The following CNTNAP2 variants were observed in gnomAD, a reference collection of about 807,000 sequenced individuals.
The protein encoded by CNTNAP2 is contactin-associated protein-like 2.
In CNTNAP2, 98 loss-of-function variants were observed where a neutral mutation model predicts 155.2. That is an observed-to-expected ratio of 0.63 (90% CI 0.54 to 0.75). The LOEUF is 0.75. CNTNAP2 is among the 30% of genes least tolerant of loss of function. The probability of loss-of-function intolerance (pLI) is 0.00; values close to 1 mark genes in which losing one functional copy is unlikely to be tolerated. For missense variants in CNTNAP2, 1,727 were observed against 1,688.1 expected (o/e 1.02, Z -0.40); for synonymous variants, 651 against 631.2 (o/e 1.03, Z -0.47).
chr7:147,148,604 G>A (rs895465344), intron 8 of CNTNAP2, among the ~76,000 whole-genome samples: 2 of 152,134 alleles, frequency 1.3e-5, no homozygotes, highest in African/African-American at 4.8e-5. Context: ...TCTTAAAGAT[G>A]GCGTGTCCAG....
In CNTNAP2 at chr7:148,113,284, A is replaced by G. The variant is rs147383341; in HGVS notation, c.2384-4834A>G. 7.8e-3 allele frequency among the ~76,000 whole-genome samples: 1,182 copies of G among 152,308 alleles called. 6 individuals carry two copies. Among genetic ancestry groups the G allele is most frequent in the Non-Finnish European group, 0.013 (918 of 68,024 alleles). On this transcript the variant is annotated intron_variant, in intron 15 of 23. Transcript: ENST00000361727. ...GGCAGAAGGCAAAGGGGATGTACACATACCCCGTGGATGGAGCAGGAGCAA... is the reference window on the plus strand; with the variant it reads ...GGCAGAAGGCAAAGGGGATGTACACGTACCCCGTGGATGGAGCAGGAGCAA...
At chr7:147,355,049 G>A (rs1796039367) in intron 9 of CNTNAP2, among the ~76,000 whole-genome samples, 1 of 151,986 alleles carries the variant, frequency 6.6e-6, no homozygotes, top group African/African-American at 2.4e-5. Context: ...AGACGATGGG[G>A]TTTTCTAATA....
chr7:147,511,356 T>C (rs1799017271), intron 11 of CNTNAP2, among the ~76,000 whole-genome samples: 2 of 152,220 alleles, frequency 1.3e-5, no homozygotes, highest in South Asian at 4.1e-4. Flanking sequence ...ATTCATAGAG[T>C]AATGATTCCA....
intron 3 of CNTNAP2, among the ~76,000 whole-genome samples, chr7:146,983,085 G>A (rs1421886235): frequency 6.6e-6 from 1 of 152,174 alleles, no homozygotes; most frequent in African/African-American, 2.4e-5. Flanking sequence ...ACTTGAAATA[G>A]TAGACTGATA....
chr7:146,301,676 AT>A (rs1341157260), intron 1 of CNTNAP2, among the ~76,000 whole-genome samples: 1 of 152,122 alleles, frequency 6.6e-6, no homozygotes, highest in African/African-American at 2.4e-5. Flanking sequence ...ACATGGTATC[AT>A]TTCAAGACCA....
At chr7:146,149,721 C>G (rs573793749) in intron 1 of CNTNAP2, among the ~76,000 whole-genome samples, 7 of 151,962 alleles carry the variant, frequency 4.6e-5, no homozygotes, top group Admixed American at 2.0e-4. Flanking sequence ...AATCTTGATA[C>G]TTCATACCAT....
At chr7:146,544,540 T>G (rs970086600) in intron 1 of CNTNAP2, among the ~76,000 whole-genome samples, 2 of 151,912 alleles carry the variant, frequency 1.3e-5, no homozygotes, top group African/African-American at 4.8e-5. Flanking sequence ...TTTTCCCCCA[T>G]AGAAATAAGG....
At chr7:146,923,454 C>T (rs1407394291) in intron 3 of CNTNAP2, among the ~76,000 whole-genome samples, 2 of 152,102 alleles carry the variant, frequency 1.3e-5, no homozygotes, top group Non-Finnish European at 2.9e-5. Flanking sequence ...TCTGTATTCT[C>T]ATTGCTTGGC....
chr7:147,486,184 T>C, intron 11 of CNTNAP2, 143 bp downstream of exon 11: 1 of 543,022 alleles, frequency 1.8e-6, no homozygotes, highest in Non-Finnish European at 3.0e-6. Context: ...TTGTCATTTC[T>C]CCAAAAAAAA....
At chr7:147,725,452 G>C (rs1196310248) in intron 13 of CNTNAP2, among the ~76,000 whole-genome samples, 8 of 152,040 alleles carry the variant, frequency 5.3e-5, no homozygotes, top group Non-Finnish European at 1.5e-5. Flanking sequence ...ATCAAAAGAT[G>C]CTTCTGCGTT....
chr7:147,500,428 T>C (rs571050874), intron 11 of CNTNAP2, among the ~76,000 whole-genome samples: 2 of 152,236 alleles, frequency 1.3e-5, no homozygotes, highest in African/African-American at 2.4e-5. Context: ...CCTGGAGGTA[T>C]ACCTCATATA....
At chr7:147,103,388 A>G (rs1489621091) in intron 4 of CNTNAP2, among the ~76,000 whole-genome samples, 1 of 152,152 alleles carries the variant, frequency 6.6e-6, no homozygotes, top group Non-Finnish European at 1.5e-5. Flanking sequence ...TGAAAATAAT[A>G]CACAGATTTG....
intron 1 of CNTNAP2, among the ~76,000 whole-genome samples, chr7:146,704,085 C>G (rs1305295584): frequency 4.6e-5 from 7 of 151,996 alleles, no homozygotes; most frequent in Admixed American, 3.3e-4. Flanking sequence ...AAATGCAGCT[C>G]TAAGAGAAAA....
intron 9 of CNTNAP2, among the ~76,000 whole-genome samples, chr7:147,301,055 A>G (rs552399195): frequency 1.3e-5 from 2 of 152,260 alleles, no homozygotes; most frequent in South Asian, 4.1e-4. Context: ...GAGTCACTAA[A>G]TCCCGTCCAC....
intron 1 of CNTNAP2, among the ~76,000 whole-genome samples, chr7:146,613,979 G>T (rs1457233941): frequency 6.6e-6 from 1 of 152,148 alleles, no homozygotes. Flanking sequence ...TGACTGTTTT[G>T]GGAAGGAATT....
intron 1 of CNTNAP2, among the ~76,000 whole-genome samples, chr7:146,508,027 T>C (rs1288755797): frequency 1.3e-5 from 2 of 152,176 alleles, no homozygotes; most frequent in East Asian, 3.9e-4. Flanking sequence ...CACAGCTGCA[T>C]GTGAAGGGGG....
chr7:147,801,489 T>A (rs1028293802), intron 13 of CNTNAP2, among the ~76,000 whole-genome samples: 1 of 151,916 alleles, frequency 6.6e-6, no homozygotes, highest in Non-Finnish European at 1.5e-5. Context: ...AGTGTTTGTG[T>A]CCCTGGGTAC....
At position 147,401,411 on chromosome 7, in the gene CNTNAP2, T is replaced by G. The variant is rs1184803049; in HGVS notation, c.1670+5631T>G. ...ATCACAGACCCAGTTTTTTTTTAAT[T>G]CAATGCTTTATTTTCAAGAATATCC... On this transcript the variant is annotated intron_variant, in intron 10 of 23. Transcript: ENST00000361727. 5.3e-5 allele frequency among the ~76,000 whole-genome samples: 8 copies of G among 152,210 alleles called. No homozygotes were observed. In the South Asian group the frequency reaches 1.0e-3, roughly 20 times the overall value.
At chr7:146,311,894 C>T (rs1449124714) in intron 1 of CNTNAP2, 2 of 151,684 alleles carry the variant, frequency 1.3e-5, no homozygotes, top group African/African-American at 4.8e-5. Context: ...TTATCTATTA[C>T]TTGAGATATA....
Sources: allele counts gnomAD v4.1 joint callset (sites outside exome capture counted in the v4.1 genomes callset), GRCh38; gene constraint gnomAD v4.1.1; transcripts MANE v1.5; gene names NCBI Gene and HGNC (gene_info 2026-07-23, HGNC 2026-07-21).